Variants in RBBP7 observed in about 807,000 individuals in gnomAD.
RBBP7 encodes RB binding protein 7, chromatin remodeling factor.
A neutral mutation model predicts 35.2 loss-of-function variants in RBBP7; 5 were observed. That is an observed-to-expected ratio of 0.14 (90% CI 0.07 to 0.30). The LOEUF is 0.30. RBBP7 is among the 10% of genes least tolerant of loss of function. RBBP7 has a pLI of 1.00. For synonymous variants in RBBP7, 140 were observed against 118.7 expected (o/e 1.18, Z -1.17); for missense variants, 155 against 327.5 (o/e 0.47, Z 4.07).
At chrX:16,850,842 T>C (rs1930194610) in intron 9 of RBBP7, among the ~76,000 whole-genome samples, 1 of 112,525 alleles carries the variant, frequency 8.9e-6, no homozygotes, top group African/African-American at 3.2e-5. Flanking sequence ...CTCATGCCTG[T>C]AATCCCAGCA....
intron 8 of RBBP7, 90 bp from the exon 9 acceptor site, chrX:16,852,212 G>A: frequency 1.2e-6 from 1 of 824,527 alleles, no homozygotes; most frequent in South Asian, 2.2e-5. Flanking sequence ...TTCCCATCTT[G>A]CACTCTATTA....
chrX:16,852,072 G>A lies in RBBP7; in HGVS notation c.1014C>T (p.Asp338=). The A allele has an allele frequency of 8.3e-7, 1 of 1,207,876 alleles. No individual in the cohort carries two copies. The highest frequency in any genetic ancestry group is 3.0e-5 in the East Asian group (1 of 33,857). The change falls in exon 9 of 12, where the codon GAC becomes GAT. Residue 338 remains aspartate (D), a synonymous_variant. Coordinates refer to ENST00000380087, the MANE Select transcript of RBBP7 (RefSeq NM_002893.4). The part of the protein sequence containing the change: ...NETILASSGT[D]RRLNVWDLSK... The stretch of plus-strand genomic sequence containing the variant: ...TTAAATCCCACACATTCAGGCGGCG[G>A]TCAGTACCACTTGAAGCCAGAATAG...
At chrX:16,857,131 G>C (rs1218791088) in intron 5 of RBBP7, among the ~76,000 whole-genome samples, 2 of 111,854 alleles carry the variant, frequency 1.8e-5, no homozygotes, top group African/African-American at 6.5e-5. Context: ...CAGGAGCTGG[G>C]GGAAGGCAGG....
At chrX:16,848,453 C>G (rs1930136902) in intron 10 of RBBP7, 1 of 111,746 alleles carries the variant, frequency 8.9e-6, no homozygotes, top group South Asian at 3.7e-4. Context: ...AGGGCTTGCT[C>G]TCAAGGACCT....
chrX:16,853,066 G>T, intron 6 of RBBP7, 191 bp from the exon 7 acceptor site: 1 of 567,446 alleles, frequency 1.8e-6, no homozygotes. Flanking sequence ...AACAAGCTAG[G>T]GCTGTTAGTC....
chrX:16,869,795 G>A (rs1930730326), intron 1 of RBBP7: 5 of 932,959 alleles, frequency 5.4e-6, no homozygotes, highest in Non-Finnish European at 6.6e-6. Context: ...CGCAGCCGCT[G>A]GAGGAGGGAA....
At chrX:16,869,813 G>A (rs1930731761) in intron 1 of RBBP7, 2 of 912,819 alleles carry the variant, frequency 2.2e-6, no homozygotes, top group Non-Finnish European at 2.7e-6. Flanking sequence ...GAAGGGAAGA[G>A]GGGGGCCCAG....
At chrX:16,857,554 T>A in intron 5 of RBBP7, 40 bp downstream of exon 5, 1 of 1,207,765 alleles carries the variant, frequency 8.3e-7, no homozygotes, top group Non-Finnish European at 1.1e-6. Flanking sequence ...ACACGTCAGC[T>A]CTCACTATAT....
chrX:16,862,824 G>T, intron 3 of RBBP7, 131 bp downstream of exon 3: 2 of 709,603 alleles, frequency 2.8e-6, no homozygotes, highest in Non-Finnish European at 4.1e-6. Flanking sequence ...ATGTGGGTGG[G>T]AAGTTCTGTA....
chrX:16,853,729 C>T lies in RBBP7; in HGVS notation c.711G>A (p.Leu237=), dbSNP rs775826958. 6 of 1,181,076 alleles carry T rather than the reference C, an allele frequency of 5.1e-6. No individual in the cohort carries two copies. In the African/African-American group the frequency reaches 7.2e-5, roughly 14 times the overall value. Residue 237 remains leucine (L), a synonymous_variant, in exon 6 of 12, where the codon CTG becomes CTA. Coordinates refer to ENST00000380087, the MANE Select transcript of RBBP7 (RefSeq NM_002893.4). ...CAACAGATCCAAACAATGACTCGTG[C>T]AGCAGGTGCCAGGCCACATCCTCTA... ...AVVEDVAWHL[L]HESLFGSVAD...
chrX:16,854,385 A>C (rs1930294744), intron 5 of RBBP7, among the ~76,000 whole-genome samples: 1 of 110,462 alleles, frequency 9.1e-6, no homozygotes, highest in African/African-American at 3.3e-5. Context: ...GTACAGTGGC[A>C]GGCAAGGACA....
intron 5 of RBBP7, 87 bp from the exon 6 acceptor site, chrX:16,853,929 G>T: frequency 1.2e-6 from 1 of 817,912 alleles, no homozygotes; most frequent in Non-Finnish European, 1.6e-6. Context: ...GTCTCAGTCT[G>T]TCACCCAGGC....
At chrX:16,857,948 G>C (rs1358610359) in intron 4 of RBBP7, among the ~76,000 whole-genome samples, 3 of 111,236 alleles carry the variant, frequency 2.7e-5, no homozygotes, top group African/African-American at 9.8e-5. Context: ...TTTGGGCAGT[G>C]GTGACCGTAT....
At position 16,870,281 on chromosome X, in the gene RBBP7, A is replaced by G. The variant is rs756066521; in HGVS notation, c.-228T>C. 15 of 348,553 alleles carry G rather than the reference A, an allele frequency of 4.3e-5. No homozygotes were observed. In the South Asian group the frequency reaches 1.6e-3, roughly 37 times the overall value. 28.7% of individuals were successfully genotyped at this position (348,553 alleles called of 1,213,427 possible). On this transcript the variant is annotated 5_prime_UTR_variant, in exon 1 of 12. Transcript: ENST00000380087. ...CTGAGGCGCTCTTCTCTCTCTCTCC[A>G]AACTTGGAACGAGACTTTTCAACCC...
intron 5 of RBBP7, among the ~76,000 whole-genome samples, chrX:16,856,073 T>A (rs754964954): frequency 1.6e-3 from 164 of 105,247 alleles, no homozygotes; most frequent in African/African-American, 5.4e-3. Context: ...TAGGGACTTA[T>A]ACCTAGAATA....
In RBBP7 at chrX:16,844,357, T is replaced by G. The variant is rs1345806202; in HGVS notation, c.*678A>C. 8.9e-6 allele frequency: 1 copy of G among 112,577 alleles called. No individual in the cohort carries two copies. The highest frequency in any genetic ancestry group is 3.2e-5 in the African/African-American group (1 of 30,982). 9.3% of individuals were successfully genotyped at this position (112,577 alleles called of 1,213,427 possible). A position where few individuals can be genotyped will look rare whatever the true frequency, so the allele number is the denominator to read the frequency against. ...ATCTTCTAGTTTGTGCTAAACACACTGCTTTATTTTTACAGCCCACGTCTT... is the reference window on the plus strand; with the variant it reads ...ATCTTCTAGTTTGTGCTAAACACACGGCTTTATTTTTACAGCCCACGTCTT... On this transcript the variant is annotated 3_prime_UTR_variant, in exon 12 of 12. Coordinates refer to ENST00000380087, the MANE Select transcript of RBBP7 (RefSeq NM_002893.4).
chrX:16,859,865 G>A (rs888883216), intron 3 of RBBP7, among the ~76,000 whole-genome samples: 4 of 111,322 alleles, frequency 3.6e-5, no homozygotes, highest in African/African-American at 1.3e-4. Context: ...CTCCTTCTAT[G>A]TGGAATGCTT....
intron 5 of RBBP7, 34 bp downstream of exon 5, chrX:16,857,560 T>C (rs371515242): frequency 5.0e-5 from 60 of 1,207,613 alleles, no homozygotes; most frequent in Non-Finnish European, 6.6e-5. Flanking sequence ...CAGCTCTCAC[T>C]ATATGAACAA....
chrX:16,846,705 A>C (rs1930086684), intron 10 of RBBP7: 1 of 112,370 alleles, frequency 8.9e-6, no homozygotes, highest in Non-Finnish European at 1.9e-5. Flanking sequence ...AGTACTAAAT[A>C]CACTGTTTGG....
Sources: allele counts gnomAD v4.1 joint callset (sites outside exome capture counted in the v4.1 genomes callset), GRCh38; gene constraint gnomAD v4.1.1; transcripts MANE v1.5; gene names NCBI Gene and HGNC (gene_info 2026-07-23, HGNC 2026-07-21).